The following ADGRG6 variants were observed in gnomAD, a reference collection of about 807,000 sequenced individuals.
The protein encoded by ADGRG6 is G-protein coupled receptor 126.
ADGRG6 carries 84 observed loss-of-function variants against 142.4 expected under a neutral mutation model. The ratio of observed to expected loss-of-function variants is 0.59; its 90% CI spans 0.49 to 0.71. The LOEUF is 0.71. Among genes scored for constraint, ADGRG6 ranks in the 30% least tolerant of loss-of-function variants. The pLI, the probability that ADGRG6 is intolerant of heterozygous loss-of-function variation, is 0.00. For missense variants in ADGRG6, 1,367 were observed against 1,466.6 expected (o/e 0.93, Z 1.11); for synonymous variants, 521 against 520.5 (o/e 1.00, Z -0.01).
intron 5 of ADGRG6, 122 bp from the exon 6 acceptor site, chr6:142,383,638 G>C (rs1464103646): frequency 1.6e-6 from 1 of 616,184 alleles, no homozygotes; most frequent in Non-Finnish European, 2.9e-6. Flanking sequence ...GGAGTCTTTT[G>C]TATTTCAAAG....
rs545677066 is a variant in ADGRG6, at chr6:142,324,510, G to A, written c.103+14866G>A. On this transcript the variant is annotated intron_variant, in intron 2 of 24. Transcript: ENST00000367609. Reference sequence around the variant, plus strand: ...TAAAACTCCATTCTCCGTCATTGCTGCCTAATAAAGTGCTTTGCCATCTCA... The same window carrying A: ...TAAAACTCCATTCTCCGTCATTGCTACCTAATAAAGTGCTTTGCCATCTCA... Among the ~76,000 whole-genome samples the A allele has an allele frequency of 4.6e-5, 7 of 152,170 alleles. No individual in the cohort carries two copies. The South Asian group carries it at 1.0e-3, about 23-fold the overall frequency.
At chr6:142,441,413 AT>A (rs1304239487) in intron 24 of ADGRG6, among the ~76,000 whole-genome samples, 18 of 152,266 alleles carry the variant, frequency 1.2e-4, no homozygotes, top group African/African-American at 4.3e-4. Context: ...CATAGGTCAA[AT>A]AATAGTTCAT....
chr6:142,335,343 A>T (rs1333493378), intron 2 of ADGRG6, among the ~76,000 whole-genome samples: 1 of 152,174 alleles, frequency 6.6e-6, no homozygotes, highest in Non-Finnish European at 1.5e-5. Flanking sequence ...AGTTTTTAAA[A>T]AGGAGGATTG....
chr6:142,341,640 A>G (rs1380251681), intron 2 of ADGRG6, among the ~76,000 whole-genome samples: 1 of 133,238 alleles, frequency 7.5e-6, no homozygotes, highest in South Asian at 2.2e-4. Flanking sequence ...TATATAATAT[A>G]TATAATATAT....
chr6:142,435,314 C>T (rs1229341358), intron 22 of ADGRG6, among the ~76,000 whole-genome samples: 1 of 152,100 alleles, frequency 6.6e-6, no homozygotes, highest in Non-Finnish European at 1.5e-5. Context: ...CCTCACTTCC[C>T]TACTGAACTT....
At chr6:142,302,986 C>T (rs190645737) in intron 1 of ADGRG6, among the ~76,000 whole-genome samples, 6 of 152,276 alleles carry the variant, frequency 3.9e-5, no homozygotes, top group Admixed American at 3.9e-4. Flanking sequence ...AAAGGTTTTG[C>T]CTCCATAGAA....
intron 2 of ADGRG6, among the ~76,000 whole-genome samples, chr6:142,323,560 A>G (rs1778620344): frequency 6.6e-6 from 1 of 152,144 alleles, no homozygotes; most frequent in Non-Finnish European, 1.5e-5. Context: ...TTAGTCATGC[A>G]TTGCTTAACG....
intron 22 of ADGRG6, among the ~76,000 whole-genome samples, chr6:142,433,335 G>C (rs549115503): frequency 1.3e-5 from 2 of 152,068 alleles, no homozygotes; most frequent in Admixed American, 1.3e-4. Context: ...TAACCAATTC[G>C]AATTATTTAT....
intron 2 of ADGRG6, among the ~76,000 whole-genome samples, chr6:142,330,028 T>C (rs943613187): frequency 2.0e-5 from 3 of 152,160 alleles, no homozygotes; most frequent in Non-Finnish European, 4.4e-5. Flanking sequence ...CAACATATTC[T>C]GCTGGAAGAA....
chr6:142,356,185 C>T (rs944622952), intron 2 of ADGRG6, among the ~76,000 whole-genome samples: 2 of 152,164 alleles, frequency 1.3e-5, no homozygotes, highest in African/African-American at 2.4e-5. Flanking sequence ...TTTTTGTAAA[C>T]TAAGCTGTTA....
At chr6:142,397,860 G>GT (rs897386965) in intron 10 of ADGRG6, 105 bp downstream of exon 10, 33 of 668,958 alleles carry the variant, frequency 4.9e-5, no homozygotes, top group Non-Finnish European at 6.4e-5. Flanking sequence ...GTTTATGTAA[G>GT]TTTTTTTTCT....
chr6:142,437,307 A>G, intron 22 of ADGRG6, 127 bp from the exon 23 acceptor site: 1 of 557,666 alleles, frequency 1.8e-6, no homozygotes, highest in Non-Finnish European at 3.2e-6. Flanking sequence ...TCATTTCCTT[A>G]AGATCTTTGT....
At chr6:142,351,249 A>AAAAC (rs901977875) in intron 2 of ADGRG6, among the ~76,000 whole-genome samples, 4 of 151,650 alleles carry the variant, frequency 2.6e-5, no homozygotes, top group Admixed American at 6.6e-5. Flanking sequence ...AAAACAAAAC[A>AAAAC]AAACAAACAA....
In ADGRG6 at chr6:142,397,729, T is replaced by C. The variant is rs1375659405; in HGVS notation, c.1541T>C (p.Leu514Pro). 1 of 1,593,320 alleles carries C rather than the reference T, an allele frequency of 6.3e-7. No individual in the cohort carries two copies. Among genetic ancestry groups the C allele is most frequent in the Non-Finnish European group, 8.5e-7 (1 of 1,172,520 alleles). Reference protein sequence around the residue: ...NNESLDEGLRLHTVNVRQLGH... With the variant: ...NNESLDEGLRPHTVNVRQLGH... ...GAGTCCTTGGATGAAGGCTTGAGGC[T>C]ACATACAGTGAATGTGAGACAACTG... The change falls in exon 10 of 25, where the codon CTA becomes CCA. Residue 514 changes from leucine (L) to proline (P), a missense_variant. Leu to Pro is a moderately conservative substitution (Grantham distance 98, BLOSUM62 -3). Around this residue, in one of 3 missense-constraint regions of ADGRG6, gnomAD observed 737 missense variants for 746.5 expected, o/e 0.99. Transcript: ENST00000367609.
intron 2 of ADGRG6, among the ~76,000 whole-genome samples, chr6:142,314,892 G>A (rs1229414037): frequency 1.3e-5 from 2 of 151,812 alleles, no homozygotes; most frequent in Non-Finnish European, 1.5e-5. Context: ...ACTAGTAATC[G>A]GGACATGAAG....
intron 13 of ADGRG6, among the ~76,000 whole-genome samples, chr6:142,403,550 T>G (rs1363259804): frequency 6.6e-6 from 1 of 152,144 alleles, no homozygotes. Flanking sequence ...AAAACAGTAT[T>G]TGTTCAGGAT....
At chr6:142,390,381 C>CT in intron 7 of ADGRG6, 38 bp downstream of exon 7, 1 of 1,175,394 alleles carries the variant, frequency 8.5e-7, no homozygotes, top group Non-Finnish European at 1.3e-6. Context: ...TAAAAAAATT[C>CT]TTTAACTTCT....
At chr6:142,385,960 T>G (rs1781997685) in intron 6 of ADGRG6, among the ~76,000 whole-genome samples, 1 of 152,216 alleles carries the variant, frequency 6.6e-6, no homozygotes, top group Admixed American at 6.5e-5. Context: ...TAAGAAAGAT[T>G]GGCACAACTG....
chr6:142,416,316 A>T (rs1214199784), intron 20 of ADGRG6, among the ~76,000 whole-genome samples: 1 of 152,080 alleles, frequency 6.6e-6, no homozygotes, highest in Non-Finnish European at 1.5e-5. Flanking sequence ...CCACAAACTT[A>T]TTTCCTGAGC....
Sources: gnomAD v4.1 joint callset for allele counts (sites outside exome capture counted in the v4.1 genomes callset) on GRCh38, gnomAD v4.1.1 for gene constraint, gnomAD v4.1.1 regional missense constraint, MANE v1.5 for transcripts, NCBI Gene and HGNC (gene_info 2026-07-23, HGNC 2026-07-21) for gene names.